Variants in TRPM5 observed in about 807,000 individuals in gnomAD.
TRPM5 encodes transient receptor potential cation channel subfamily M member 5.
In TRPM5, 121 loss-of-function variants were observed where a neutral mutation model predicts 124.9. The observed-to-expected ratio is 0.97, with a 90% CI of 0.84 to 1.13. The LOEUF (loss-of-function observed/expected upper bound fraction) is 1.13. Ranked by LOEUF, TRPM5 falls within the 50% of genes most tolerant of loss-of-function variation. The pLI is 0.00. For synonymous variants in TRPM5, 781 were observed against 700.5 expected (o/e 1.11, Z -1.81); for missense variants, 1,643 against 1,589.1 (o/e 1.03, Z -0.58).
exon 16 of TRPM5, chr11:2,412,236 C>T (rs1307737844): frequency 1.9e-6 from 3 of 1,612,940 alleles, no homozygotes; most frequent in African/African-American, 2.7e-5. Flanking sequence ...GGTGTGTGTC[C>T]TCGTCTGTGA....
chr11:2,412,880 G>A lies in TRPM5; in HGVS notation c.2229C>T (p.Phe743=), dbSNP rs769103199. Residue 743 remains phenylalanine (F), a synonymous_variant, in exon 15 of 24, where the codon TTC becomes TTT. Transcript: ENST00000155858. ...CGTAGGTGAACAGGAAGAGGAAGGCGAAGTACATGACCACGTTCCCCAGGA... is the reference window on the plus strand; with the variant it reads ...CGTAGGTGAACAGGAAGAGGAAGGCAAAGTACATGACCACGTTCCCCAGGA... 1.1e-5 allele frequency: 18 copies of A among 1,597,656 alleles called. No homozygotes were observed. In the African/African-American group the frequency reaches 1.3e-4, roughly 12 times the overall value.
chr11:2,408,467 C>T (rs1344028138), intron 18 of TRPM5, among the ~76,000 whole-genome samples: 10 of 152,222 alleles, frequency 6.6e-5, no homozygotes, highest in Non-Finnish European at 1.3e-4. Context: ...CCAGCAGGCT[C>T]CAGACTGGGC....
exon 7 of TRPM5, chr11:2,417,771 C>T (rs1485997152): frequency 6.3e-7 from 1 of 1,591,564 alleles, no homozygotes; most frequent in South Asian, 1.1e-5. Context: ...CTCCTCGGAG[C>T]CCTCCTGCTC....
rs1040346834 is a variant in TRPM5, at chr11:2,415,103, C to T, written c.1479+18G>A. On this transcript the variant is annotated intron_variant, in intron 9 of 23. Coordinates refer to ENST00000155858, the Ensembl canonical transcript of TRPM5. The stretch of plus-strand genomic sequence containing the variant: ...CGGCCCCAGCCTCGCCCTCCATCCC[C>T]ACGGAGCCCCCGCTCACCGCCCTCC... The T allele has an allele frequency of 6.3e-7, 1 of 1,576,214 alleles. No homozygotes were observed. Among genetic ancestry groups the T allele is most frequent in the Non-Finnish European group, 8.6e-7 (1 of 1,165,840 alleles).
At chr11:2,430,989 G>A in the TRPM5 span, among the ~76,000 whole-genome samples, 4 of 152,176 alleles carry the variant, frequency 2.6e-5, no homozygotes, top group African/African-American at 7.2e-5. Flanking sequence ...GATGCTGGTC[G>A]TGGTAATAGT....
rs1182565992 is a variant in TRPM5, at chr11:2,413,067, CCA to C, written c.2097-57_2097-56del. The C allele has an allele frequency of 3.2e-6, 5 of 1,548,254 alleles. No individual in the cohort carries two copies. In the East Asian group the frequency reaches 9.6e-5, roughly 30 times the overall value. On this transcript the variant is annotated intron_variant, in intron 14 of 23. Coordinates refer to ENST00000155858, the Ensembl canonical transcript of TRPM5. ...GGCTGGCGCCCAGCCGGGTGCCCCA[CCA>C]GAGTCCAGCCTCCCAGCCACCACCC...
chr11:2,438,119 T>C, the TRPM5 span, among the ~76,000 whole-genome samples: 2 of 152,238 alleles, frequency 1.3e-5, no homozygotes, highest in South Asian at 2.1e-4. This position sits in a 1 kb window ranked among gnomAD's most constrained non-coding sequence, Gnocchi z 5.9. Context: ...AAAAAGTCTT[T>C]GAAAAAATCC....
intron 15 of TRPM5, 28 bp from the exon 21 acceptor site, chr11:2,412,281 C>G: frequency 6.4e-7 from 1 of 1,561,000 alleles, no homozygotes; most frequent in Non-Finnish European, 8.8e-7. Context: ...AGTCCACTGA[C>G]AGCTGTCCAG....
chr11:2,436,795 G>A, the TRPM5 span, among the ~76,000 whole-genome samples: 201 of 152,376 alleles, frequency 1.3e-3, 2 homozygotes, highest in Non-Finnish European at 2.2e-3. Context: ...GGGCCCAGGT[G>A]GGAATCTGGG....
intron 10 of TRPM5, 26 bp from the exon 16 acceptor site, chr11:2,414,864 G>C: frequency 6.3e-7 from 1 of 1,590,512 alleles, no homozygotes; most frequent in South Asian, 1.1e-5. Context: ...TCAGGAGGCC[G>C]CCCCTCCCCT....
chr11:2,414,009 G>GGGGCGCCCCC, intron 12 of TRPM5, 52 bp downstream of exon 17: 2 of 1,023,732 alleles, frequency 2.0e-6, no homozygotes, highest in Non-Finnish European at 1.4e-6. Context: ...GGCCCAGCTC[G>GGGGCGCCCCC]CCCGCCCACC....
In TRPM5 at chr11:2,406,596, C is replaced by T. The variant is rs12275532; in HGVS notation, c.3251+65G>A. The T allele has an allele frequency of 8.0e-3, 12,337 of 1,535,878 alleles. 540 individuals carry two copies. The African/African-American group carries it at 0.11, about 14-fold the overall frequency. ...CAGCTCAGATCCTCTGTCACTGGCG[C>T]CAATGGCACATCCCCGCTTAAAGAC... On this transcript the variant is annotated intron_variant, in intron 21 of 23. Coordinates refer to ENST00000155858, the Ensembl canonical transcript of TRPM5.
the TRPM5 span, among the ~76,000 whole-genome samples, chr11:2,430,047 A>G: frequency 3.3e-5 from 5 of 151,468 alleles, no homozygotes; most frequent in Admixed American, 6.6e-5. Flanking sequence ...TGTCTCCTGG[A>G]CACCCAAAAA....
the TRPM5 span, among the ~76,000 whole-genome samples, chr11:2,432,722 C>T: frequency 6.6e-6 from 1 of 152,266 alleles, no homozygotes; most frequent in Non-Finnish European, 1.5e-5. Flanking sequence ...AACCACCACC[C>T]AGAGTAGGGC....
At chr11:2,414,007 T>TCGGGGGG in intron 12 of TRPM5, 54 bp downstream of exon 17, 3 of 1,072,596 alleles carry the variant, frequency 2.8e-6, no homozygotes, top group East Asian at 2.7e-5. Flanking sequence ...TGGGCCCAGC[T>TCGGGGGG]CGCCCGCCCA....
chr11:2,442,814 A>C, the TRPM5 span, among the ~76,000 whole-genome samples: 29,381 of 152,084 alleles, frequency 0.19, 3,897 homozygotes, highest in African/African-American at 0.36. The surrounding 1 kb of genome is among the most constrained non-coding windows in gnomAD (Gnocchi z 5.9). Context: ...TTTTCTTGTT[A>C]TAAATGAGGT....
chr11:2,406,080 A>G (rs953197633), exon 22 of TRPM5: 1 of 1,611,926 alleles, frequency 6.2e-7, no homozygotes, highest in East Asian at 2.2e-5. Flanking sequence ...GTACTTGGCA[A>G]TGAAGTCCAC....
At chr11:2,412,428 G>A (rs1320391611) in intron 15 of TRPM5, among the ~76,000 whole-genome samples, 175 bp from the exon 21 acceptor site, 1 of 152,074 alleles carries the variant, frequency 6.6e-6, no homozygotes, top group Non-Finnish European at 1.5e-5. Context: ...GGGGACAGAA[G>A]GTGAGGTCAG....
chr11:2,433,113 C>T, the TRPM5 span, among the ~76,000 whole-genome samples: 6 of 152,384 alleles, frequency 3.9e-5, no homozygotes, highest in African/African-American at 1.4e-4. Context: ...GCAGCATCAC[C>T]TTTTGCCTGT....
Sources: gnomAD v4.1 joint callset for allele counts (sites outside exome capture counted in the v4.1 genomes callset) on GRCh38, gnomAD v4.1.1 for gene constraint, Gnocchi (gnomAD v3.1) non-coding constraint, MANE v1.5 for transcripts, NCBI Gene and HGNC (gene_info 2026-07-23, HGNC 2026-07-21) for gene names.